Variants in FAM186A observed in about 807,000 individuals in gnomAD.
The protein encoded by FAM186A is family with sequence similarity 186 member A.
In FAM186A, 163 loss-of-function variants were observed where a neutral mutation model predicts 216.8. That is an observed-to-expected ratio of 0.75 (90% CI 0.66 to 0.86). FAM186A has a LOEUF of 0.86. FAM186A is among the 40% of genes least tolerant of loss of function. FAM186A has a pLI of 0.00. For missense variants in FAM186A, 2,184 were observed against 2,746.2 expected, an observed-to-expected ratio of 0.80 and a Z score of 4.58; for synonymous variants, 805 against 1,025.3, an observed-to-expected ratio of 0.79 and a Z score of 4.10.
At chr12:50,359,405 A>G (rs575879637) in intron 3 of FAM186A, among the ~76,000 whole-genome samples, 11 of 152,350 alleles carry the variant, frequency 7.2e-5, no homozygotes, top group African/African-American at 2.4e-4. Flanking sequence ...TCTCAAAAAA[A>G]AAGACAGACA....
chr12:50,387,164 C>T (rs1197146752), intron 1 of FAM186A, among the ~76,000 whole-genome samples: 1 of 152,136 alleles, frequency 6.6e-6, no homozygotes, highest in Admixed American at 6.6e-5. Flanking sequence ...AAGCCTCAGT[C>T]CCCAAAACTG....
At chr12:50,384,041 C>G (rs776049582) in intron 1 of FAM186A, among the ~76,000 whole-genome samples, 14 of 152,016 alleles carry the variant, frequency 9.2e-5, no homozygotes, top group Non-Finnish European at 1.9e-4. Context: ...TTGCTTGAAC[C>G]TAGGATGTGG....
chr12:50,369,306 G>A (rs1943119237), intron 1 of FAM186A, among the ~76,000 whole-genome samples: 1 of 151,456 alleles, frequency 6.6e-6, no homozygotes, highest in African/African-American at 2.4e-5. Flanking sequence ...TGGCTAACAT[G>A]GTGAAACCCC....
At chr12:50,382,936 T>C (rs1351792555) in intron 1 of FAM186A, among the ~76,000 whole-genome samples, 1 of 151,960 alleles carries the variant, frequency 6.6e-6, no homozygotes, top group East Asian at 1.9e-4. Flanking sequence ...TTTTTTCTTT[T>C]ATAGTAAGAA....
chr12:50,394,732 C>CTTTT lies in FAM186A; in HGVS notation c.192+1557_192+1560dup, dbSNP rs71083561. 7.3e-3 allele frequency among the ~76,000 whole-genome samples: 216 copies of CTTTT among 29,408 alleles called. 48 individuals are homozygous for CTTTT. Among genetic ancestry groups the CTTTT allele is most frequent in the African/African-American group, 0.031 (198 of 6,444 alleles). The allele number at this position is 29,408 out of a possible 152,430, so 19.3% of individuals were successfully genotyped here. A position where few individuals can be genotyped will look rare whatever the true frequency, so the allele number is the denominator to read the frequency against. Reference sequence around the variant, plus strand: ...TGAGCCACTGTGCCTGGCTAACACTCTTTTTTTTTTTTTTTTTTTTTTTTT... The same window carrying CTTTT: ...TGAGCCACTGTGCCTGGCTAACACTCTTTTTTTTTTTTTTTTTTTTTTTTTTTTT... On this transcript the variant is annotated intron_variant, in intron 1 of 7. Transcript: ENST00000327337.
At chr12:50,388,980 G>C (rs1943331696) in intron 1 of FAM186A, among the ~76,000 whole-genome samples, 1 of 151,912 alleles carries the variant, frequency 6.6e-6, no homozygotes, top group Non-Finnish European at 1.5e-5. Context: ...AGCCTGGGAG[G>C]CGTAGCGTAG....
At position 50,354,514 on chromosome 12, in the gene FAM186A, G is replaced by A; in HGVS notation, c.2318C>T (p.Ser773Phe). ...HFQKSPISAK[S>F]ESSTLLSYES... ...ATATGAGAGGAGGGTACTGCTTTCA[G>A]ATTTTGCACTAATTGGTGACTTCTG... Residue 773 changes from serine (S) to phenylalanine (F), a missense_variant, in exon 4 of 8, where the codon TCT becomes TTT. This residue lies in a region of FAM186A where 1,132 missense variants were observed against 1,263.4 expected (regional missense o/e 0.90). Transcript: ENST00000327337. 1 of 1,551,626 alleles carries A rather than the reference G, an allele frequency of 6.4e-7. No homozygotes were observed.
Position 50,350,583 on chromosome 12 carries a change from T to C in FAM186A, c.6249A>G (p.Ser2083=). The change falls in exon 4 of 8, where the codon TCA becomes TCG. Residue 2083 remains serine (S), a synonymous_variant. Transcript: ENST00000327337. ...IDKPWILSSV[S]DTKKPKVMVP... ...CCATTACTTTGGGTTTCTTGGTATC[T>C]GAAACTGAACTCAGTATCCAGGGCT... is the stretch of plus-strand genomic sequence containing the variant. 1 of 1,551,684 alleles carries C rather than the reference T, an allele frequency of 6.4e-7. No homozygotes were observed. The highest frequency in any genetic ancestry group is 1.7e-4 in the Middle Eastern group (1 of 5,992).
intron 1 of FAM186A, among the ~76,000 whole-genome samples, chr12:50,394,033 C>T (rs1000838686): frequency 4.5e-4 from 69 of 152,138 alleles, no homozygotes; most frequent in African/African-American, 1.6e-3. Context: ...ATTCTCTTGC[C>T]TCAGCCTCCT....
At position 50,388,987 on chromosome 12, in the gene FAM186A, G is replaced by A. The variant is rs527750827; in HGVS notation, c.192+7306C>T. Among the ~76,000 whole-genome samples, 47 of 151,932 alleles carry A rather than the reference G, an allele frequency of 3.1e-4. No homozygotes were observed. The East Asian group carries it at 3.3e-3, about 11-fold the overall frequency. ...ATCACTTGAGCCTGGGAGGCGTAGCGTAGGTTGCAGTGACACGAGATCGTG... is the reference window on the plus strand; with the variant it reads ...ATCACTTGAGCCTGGGAGGCGTAGCATAGGTTGCAGTGACACGAGATCGTG... On this transcript the variant is annotated intron_variant, in intron 1 of 7. Transcript: ENST00000327337.
At chr12:50,371,249 C>G (rs1943140018) in intron 1 of FAM186A, among the ~76,000 whole-genome samples, 1 of 151,744 alleles carries the variant, frequency 6.6e-6, no homozygotes. Context: ...TCCAGAGTAG[C>G]TGGGGTTACA....
intron 1 of FAM186A, among the ~76,000 whole-genome samples, chr12:50,390,137 G>A (rs1943343871): frequency 6.6e-6 from 1 of 152,138 alleles, no homozygotes. Context: ...ATGGGCCTGA[G>A]CTAAAGCTTT....
Position 50,356,025 on chromosome 12 carries a change from A to G in FAM186A, c.807T>C (p.Ser269=). ...CATCATTTAGCATACTCAAAGCTGT[A>G]GAAAGGTTTACTATTGTTGATGATA... ...KYISSTIVNL[S]TALSMLNDEL... The change falls in exon 4 of 8, where the codon TCT becomes TCC. Residue 269 remains serine (S), a synonymous_variant. Coordinates refer to ENST00000327337, the MANE Select transcript of FAM186A (RefSeq NM_001145475.3). The G allele has an allele frequency of 2.6e-6, 4 of 1,551,622 alleles. No homozygotes were observed. The highest frequency in any genetic ancestry group is 3.5e-6 in the Non-Finnish European group (4 of 1,146,960).
chr12:50,375,212 C>T (rs964244439), intron 1 of FAM186A, among the ~76,000 whole-genome samples: 4 of 151,708 alleles, frequency 2.6e-5, no homozygotes, highest in Non-Finnish European at 5.9e-5. Context: ...TAAAATAAAA[C>T]AAACCAAAAA....
chr12:50,378,398 C>T (rs1277576433), intron 1 of FAM186A, among the ~76,000 whole-genome samples: 1 of 151,686 alleles, frequency 6.6e-6, no homozygotes, highest in Non-Finnish European at 1.5e-5. Flanking sequence ...GGTGCAGTGG[C>T]AGGCGCCTGT....
chr12:50,337,696 G>A (rs1438684602), intron 4 of FAM186A, among the ~76,000 whole-genome samples: 1 of 151,824 alleles, frequency 6.6e-6, no homozygotes, highest in East Asian at 2.0e-4. Context: ...AAGAGATCGA[G>A]ACCATCCTGG....
intron 4 of FAM186A, among the ~76,000 whole-genome samples, chr12:50,348,138 G>A (rs903633171): frequency 7.2e-6 from 1 of 139,106 alleles, no homozygotes; most frequent in Non-Finnish European, 1.5e-5. Context: ...TCCACCTCCC[G>A]GGTTCAAACG....
At chr12:50,365,938 A>G in intron 1 of FAM186A, 1 of 763,646 alleles carries the variant, frequency 1.3e-6, no homozygotes, top group South Asian at 1.3e-5. Flanking sequence ...ACAACTGTCC[A>G]TGTGGGCCCT....
intron 1 of FAM186A, 75 bp from the exon 2 acceptor site, chr12:50,363,439 G>A (rs992269763): frequency 2.2e-5 from 26 of 1,200,252 alleles, no homozygotes; most frequent in East Asian, 5.2e-5. Context: ...TTCTCAGAAC[G>A]TCAGTGACAG....
Sources: allele counts gnomAD v4.1 joint callset (sites outside exome capture counted in the v4.1 genomes callset), GRCh38; gene constraint gnomAD v4.1.1; regional missense constraint gnomAD v4.1.1; transcripts MANE v1.5; gene names NCBI Gene and HGNC (gene_info 2026-07-23, HGNC 2026-07-21).